The following APBB2 variants were observed in gnomAD, a reference collection of about 807,000 sequenced individuals.
APBB2 encodes Fe65-like 1.
APBB2 carries 38 observed loss-of-function variants against 82.5 expected under a neutral mutation model. The ratio of observed to expected loss-of-function variants is 0.46; its 90% confidence interval spans 0.36 to 0.60. The LOEUF is 0.60. APBB2 is among the 20% of genes least tolerant of loss of function. APBB2 has a pLI of 0.00. For missense variants in APBB2, 772 were observed against 972.3 expected (o/e 0.79, Z 2.74); for synonymous variants, 341 against 368.2 (o/e 0.93, Z 0.85).
At chr4:40,991,835 C>T (rs534913442) in intron 6 of APBB2, among the ~76,000 whole-genome samples, 1 of 152,240 alleles carries the variant, frequency 6.6e-6, no homozygotes, top group South Asian at 2.1e-4. Context: ...AGATGCTACT[C>T]GTCTCATCCC....
chr4:41,200,769 T>C (rs1389554314), intron 1 of APBB2, among the ~76,000 whole-genome samples: 1 of 152,208 alleles, frequency 6.6e-6, no homozygotes, highest in Non-Finnish European at 1.5e-5. Context: ...TCTGACATCT[T>C]TCTCACACTG....
chr4:41,132,820 A>G (rs1020056526), intron 2 of APBB2, among the ~76,000 whole-genome samples: 1 of 152,228 alleles, frequency 6.6e-6, no homozygotes, highest in African/African-American at 2.4e-5. Flanking sequence ...TGAACATTAG[A>G]AAAAAATTGC....
At chr4:40,926,260 T>C (rs965969121) in intron 10 of APBB2, among the ~76,000 whole-genome samples, 6 of 152,178 alleles carry the variant, frequency 3.9e-5, no homozygotes, top group African/African-American at 1.4e-4. Flanking sequence ...CAATTTCATG[T>C]CCCACCCCAG....
At chr4:41,112,384 C>A (rs535941226) in intron 2 of APBB2, among the ~76,000 whole-genome samples, 2 of 152,208 alleles carry the variant, frequency 1.3e-5, no homozygotes, top group Non-Finnish European at 1.5e-5. Context: ...ATCTGGGATA[C>A]AGGCAGGGCC....
At chr4:40,835,017 G>C (rs775746602) in intron 12 of APBB2, among the ~76,000 whole-genome samples, 1 of 152,206 alleles carries the variant, frequency 6.6e-6, no homozygotes. Flanking sequence ...GGTGGCTCAT[G>C]CCTGTAATCC....
intron 12 of APBB2, chr4:40,880,111 A>G (rs1279080745): frequency 2.0e-6 from 2 of 985,264 alleles, no homozygotes; most frequent in East Asian, 1.1e-4. Context: ...GTCAGTGATG[A>G]TCTCCAGTGC....
intron 6 of APBB2, among the ~76,000 whole-genome samples, chr4:40,982,281 A>AGAAGGAAGGAAGGAAG (rs1177096577): frequency 1.1e-4 from 2 of 17,472 alleles, no homozygotes; most frequent in African/African-American, 5.3e-4. Flanking sequence ...AAAGAAAGAA[A>AGAAGGAAGGAAGGAAG]GAAGGAAGGA....
chr4:40,920,384 T>C (rs986884772), intron 10 of APBB2, among the ~76,000 whole-genome samples: 34 of 152,220 alleles, frequency 2.2e-4, no homozygotes, highest in African/African-American at 7.7e-4. Context: ...TATGTCTTTA[T>C]TAGCAGCATC....
rs150949247 is a variant in APBB2 at position 41,200,138 on chromosome 4, G to A, written c.-417+14267C>T. 2.2e-3 allele frequency among the ~76,000 whole-genome samples: 336 copies of A among 152,272 alleles called. 1 individual carries two copies. Among genetic ancestry groups the A allele is most frequent in the African/African-American group, 7.4e-3 (309 of 41,568 alleles). On this transcript the variant is annotated intron_variant, in intron 1 of 17. Transcript: ENST00000508593. ...TCACCTACATGGTGAAAAGCACCAC[G>A]TAAGTTCCTTAACTCACTTTAAATA...
intron 1 of APBB2, among the ~76,000 whole-genome samples, chr4:41,173,884 T>C (rs1030226998): frequency 6.6e-6 from 1 of 152,176 alleles, no homozygotes; most frequent in African/African-American, 2.4e-5. Context: ...TGCATGACTG[T>C]ATAAGTATTA....
intron 6 of APBB2, among the ~76,000 whole-genome samples, chr4:40,964,583 GA>G (rs1243329260): frequency 6.6e-6 from 1 of 152,078 alleles, no homozygotes; most frequent in Non-Finnish European, 1.5e-5. Context: ...GTGGTACTGG[GA>G]AAATGGGGGC....
intron 6 of APBB2, among the ~76,000 whole-genome samples, chr4:40,974,005 C>A (rs1323549917): frequency 6.6e-6 from 1 of 152,072 alleles, no homozygotes; most frequent in Non-Finnish European, 1.5e-5. Flanking sequence ...GCACGCGCCA[C>A]CACACCTGGC....
chr4:41,056,003 G>C (rs955136050), intron 4 of APBB2, among the ~76,000 whole-genome samples: 1 of 152,064 alleles, frequency 6.6e-6, no homozygotes, highest in African/African-American at 2.4e-5. Context: ...GACCAGCCTG[G>C]CCAATGTGGT....
chr4:41,176,538 T>C (rs539915297), intron 1 of APBB2, among the ~76,000 whole-genome samples: 142 of 151,488 alleles, frequency 9.4e-4, no homozygotes, highest in East Asian at 2.3e-3. Flanking sequence ...AAAAGTAATA[T>C]ATAAAAAGTC....
chr4:40,869,015 C>G (rs759832652), intron 12 of APBB2, among the ~76,000 whole-genome samples: 2 of 152,026 alleles, frequency 1.3e-5, no homozygotes, highest in Non-Finnish European at 2.9e-5. Context: ...GATTTGTCCC[C>G]ACACCACCTT....
chr4:41,210,151 T>C (rs1778972403), intron 1 of APBB2, among the ~76,000 whole-genome samples: 1 of 152,190 alleles, frequency 6.6e-6, no homozygotes, highest in Admixed American at 6.5e-5. Flanking sequence ...CCTCCTGCTC[T>C]ATGGCCCGGT....
At position 40,873,209 on chromosome 4, in the gene APBB2, G is replaced by T. The variant is rs1766002957; in HGVS notation, c.1529+17155C>A. On this transcript the variant is annotated intron_variant, in intron 12 of 17. Coordinates refer to ENST00000508593, the MANE Select transcript of APBB2 (RefSeq NM_004307.2). ...TACCAGTTCTGGGGCCTAAGAGAAT[G>T]ACTGACAATGTTATGATTAGAAGTG... Among the ~76,000 whole-genome samples the T allele has an allele frequency of 2.0e-5, 3 of 152,050 alleles. No individual in the cohort carries two copies. The South Asian group carries it at 6.2e-4, about 32-fold the overall frequency.
chr4:41,134,308 A>G lies in APBB2; in HGVS notation c.-261+8679T>C, dbSNP rs982816823. Among the ~76,000 whole-genome samples the G allele has an allele frequency of 5.9e-5, 9 of 151,930 alleles. No homozygotes were observed. In the South Asian group the frequency reaches 8.4e-4, roughly 14 times the overall value. On this transcript the variant is annotated intron_variant, in intron 2 of 17. Coordinates refer to ENST00000508593, the MANE Select transcript of APBB2 (RefSeq NM_004307.2). ...GGACAAACTTTTTAGGGCCGGGCGC[A>G]GTGGCTCATGCCTGTAATCCCAGCA...
rs568041834 is a variant in APBB2, at chr4:40,846,789, A to G, written c.1530-16212T>C. Among the ~76,000 whole-genome samples, 82 of 152,352 alleles carry G rather than the reference A, an allele frequency of 5.4e-4. No homozygotes were observed. In the South Asian group the frequency reaches 0.016, roughly 30 times the overall value. On this transcript the variant is annotated intron_variant, in intron 12 of 17. Transcript: ENST00000508593. ...TTTCTCATGCCATTGGAGGGAAGAC[A>G]CAATAGTTACCAGCCTGCTTACTAA...
Sources: gnomAD v4.1 joint callset for allele counts (sites outside exome capture counted in the v4.1 genomes callset) on GRCh38, gnomAD v4.1.1 for gene constraint, MANE v1.5 for transcripts, NCBI Gene and HGNC (gene_info 2026-07-23, HGNC 2026-07-21) for gene names.